The following CALN1 variants were observed in gnomAD, a reference collection of about 807,000 sequenced individuals.
CALN1 encodes calcium-binding protein 8.
CALN1 carries 17 observed loss-of-function variants against 30.6 expected under a neutral mutation model. The ratio of observed to expected loss-of-function variants is 0.56; its 90% CI spans 0.38 to 0.83. The LOEUF (loss-of-function observed/expected upper bound fraction) is 0.83. CALN1 is among the 40% of genes least tolerant of loss of function. The pLI, the probability that CALN1 is intolerant of heterozygous loss-of-function variation, is 0.00. For missense variants in CALN1, 291 were observed against 354.9 expected, an observed-to-expected ratio of 0.82 and a Z score of 1.45; for synonymous variants, 156 against 131.4, an observed-to-expected ratio of 1.19 and a Z score of -1.28.
At chr7:71,968,690 A>T (rs1410455770) in intron 5 of CALN1, among the ~76,000 whole-genome samples, 1 of 147,426 alleles carries the variant, frequency 6.8e-6, no homozygotes, top group Non-Finnish European at 1.5e-5. Flanking sequence ...ACCCGGGGTG[A>T]TGGAAATATT....
chr7:72,329,838 C>G (rs1213024822), intron 2 of CALN1, among the ~76,000 whole-genome samples: 1 of 151,914 alleles, frequency 6.6e-6, no homozygotes, highest in African/African-American at 2.4e-5. Context: ...CCTGTAATTC[C>G]AGCTATTCAG....
intron 5 of CALN1, among the ~76,000 whole-genome samples, chr7:71,962,033 T>C (rs1797272277): frequency 6.6e-6 from 1 of 152,088 alleles, no homozygotes; most frequent in Non-Finnish European, 1.5e-5. Context: ...ATCTCTTCAT[T>C]TGTATCTGCG....
intron 2 of CALN1, among the ~76,000 whole-genome samples, chr7:72,340,114 T>C (rs1372600418): frequency 2.0e-5 from 3 of 152,222 alleles, no homozygotes; most frequent in Non-Finnish European, 2.9e-5. Context: ...GTTCTAAATT[T>C]CTTCCTGAAG....
At chr7:71,930,065 T>G (rs900773654) in intron 5 of CALN1, among the ~76,000 whole-genome samples, 1 of 152,210 alleles carries the variant, frequency 6.6e-6, no homozygotes, top group Admixed American at 6.5e-5. Flanking sequence ...GAATGCAATG[T>G]AAATGTTATG....
At chr7:72,490,008 A>G in the CALN1 span, among the ~76,000 whole-genome samples, 4 of 152,232 alleles carry the variant, frequency 2.6e-5, no homozygotes, top group Admixed American at 1.3e-4. Flanking sequence ...GATAAAAATT[A>G]CTTTCTTTGG....
chr7:72,392,071 G>C (rs1733965322), intron 2 of CALN1, among the ~76,000 whole-genome samples: 2 of 152,188 alleles, frequency 1.3e-5, no homozygotes, highest in African/African-American at 2.4e-5. Flanking sequence ...GGCTCACTGA[G>C]ATGCTCCCTT....
the CALN1 span, among the ~76,000 whole-genome samples, chr7:72,483,084 C>T: frequency 6.6e-6 from 1 of 152,084 alleles, no homozygotes; most frequent in African/African-American, 2.4e-5. Context: ...AAGAAAGCCA[C>T]TGTCATTCTT....
intron 4 of CALN1, among the ~76,000 whole-genome samples, chr7:72,100,962 G>GT (rs1806617790): frequency 1.3e-5 from 2 of 151,512 alleles, no homozygotes; most frequent in African/African-American, 4.9e-5. Context: ...TAGGATTTTT[G>GT]TTTGTTTTGT....
chr7:72,382,206 CAGTAA>C (rs1350260985), intron 2 of CALN1, among the ~76,000 whole-genome samples: 1 of 152,102 alleles, frequency 6.6e-6, no homozygotes, highest in East Asian at 1.9e-4. Context: ...AGCTGTGACC[CAGTAA>C]TGGCTATATC....
intron 2 of CALN1, among the ~76,000 whole-genome samples, chr7:72,393,911 G>C (rs1283813263): frequency 6.6e-6 from 1 of 152,066 alleles, no homozygotes; most frequent in African/African-American, 2.4e-5. Context: ...CACCGTGCCT[G>C]GCCTCGGAGC....
Position 72,209,069 on chromosome 7 carries a change from T to A in CALN1, c.244+69617A>T, listed in dbSNP as rs536380529. 3.5e-3 allele frequency among the ~76,000 whole-genome samples: 425 copies of A among 120,534 alleles called. 1 individual carries two copies. Among genetic ancestry groups the A allele is most frequent in the Middle Eastern group, 9.7e-3 (2 of 206 alleles). The allele number at this position is 120,534 out of a possible 152,430, so 79.1% of individuals were successfully genotyped here. A position where few individuals can be genotyped will look rare whatever the true frequency, so the allele number is the denominator to read the frequency against. On this transcript the variant is annotated intron_variant, in intron 3 of 6. Coordinates refer to ENST00000395275, the MANE Select transcript of CALN1 (RefSeq NM_031468.4). ...CCTTTTTCTCCTTCCCTCCATCCTG[T>A]CCTCTCTCCTTCCCTTCCCTCCTTT...
chr7:72,062,624 G>C (rs1803745076), intron 4 of CALN1, among the ~76,000 whole-genome samples: 2 of 151,782 alleles, frequency 1.3e-5, no homozygotes, highest in Admixed American at 6.6e-5. Flanking sequence ...TTCTTACCCT[G>C]TTTGGTTCTT....
intron 2 of CALN1, among the ~76,000 whole-genome samples, chr7:72,311,406 G>A (rs1028128837): frequency 6.6e-6 from 1 of 152,110 alleles, no homozygotes; most frequent in Non-Finnish European, 1.5e-5. Flanking sequence ...AAAGTTATGT[G>A]AATTTTTTAC....
intron 3 of CALN1, among the ~76,000 whole-genome samples, chr7:72,147,179 G>A (rs1297098021): frequency 6.6e-6 from 1 of 152,076 alleles, no homozygotes; most frequent in Non-Finnish European, 1.5e-5. Flanking sequence ...GAGTGAACAG[G>A]CAACCTACAG....
intron 3 of CALN1, among the ~76,000 whole-genome samples, chr7:72,227,609 C>T (rs1327822709): frequency 2.0e-5 from 3 of 151,478 alleles, no homozygotes; most frequent in East Asian, 3.9e-4. Context: ...GGGGGGTGGG[C>T]AAAGGTTAAA....
intron 1 of CALN1, among the ~76,000 whole-genome samples, chr7:72,443,357 G>A (rs1808418584): frequency 1.3e-5 from 2 of 152,168 alleles, no homozygotes; most frequent in South Asian, 4.1e-4. Flanking sequence ...TTTCCCAAGT[G>A]ATTCCGTTGC....
intron 4 of CALN1, among the ~76,000 whole-genome samples, chr7:72,042,198 C>T (rs932289540): frequency 1.2e-4 from 19 of 152,278 alleles, no homozygotes; most frequent in South Asian, 6.2e-4. Context: ...ACCTAACCCA[C>T]GTTAGGTGGG....
chr7:72,278,724 C>T lies in CALN1; in HGVS notation c.206G>A (p.Ser69Asn), dbSNP rs1456431084. The T allele has an allele frequency of 4.3e-6, 7 of 1,613,912 alleles. No homozygotes were observed. In the African/African-American group the frequency reaches 9.3e-5, roughly 22 times the overall value. The change falls in exon 3 of 7, where the codon AGC becomes AAC. Residue 69 changes from serine (S) to asparagine (N), a missense_variant. Ser to Asn is a conservative substitution (Grantham distance 46). Around this residue, in one of 2 missense-constraint regions of CALN1, gnomAD observed 122 missense variants for 103.2 expected, o/e 1.18. Transcript: ENST00000395275. ...LNRSLSAGSD[S>N]EQLANISVEE... Reference sequence around the variant, plus strand: ...CACGGAGATATTAGCCAGCTGTTCGCTGTCACTGCCAGCAGAGAGCGATCG... The same window carrying T: ...CACGGAGATATTAGCCAGCTGTTCGTTGTCACTGCCAGCAGAGAGCGATCG...
At chr7:72,038,564 A>G (rs1464945677) in intron 4 of CALN1, among the ~76,000 whole-genome samples, 2 of 152,082 alleles carry the variant, frequency 1.3e-5, no homozygotes, top group Non-Finnish European at 2.9e-5. Context: ...GCTGGGTAAA[A>G]TAAGGCTGAA....
Sources: gnomAD v4.1 joint callset for allele counts (sites outside exome capture counted in the v4.1 genomes callset) on GRCh38, gnomAD v4.1.1 for gene constraint, gnomAD v4.1.1 regional missense constraint, MANE v1.5 for transcripts, NCBI Gene and HGNC (gene_info 2026-07-23, HGNC 2026-07-21) for gene names.